The following DGKB variants were observed in gnomAD, a reference collection of about 807,000 sequenced individuals.
The protein encoded by DGKB is 90 kDa diacylglycerol kinase.
Under a neutral mutation model 114.3 loss-of-function variants are expected in DGKB, and 67 were observed. That is an observed-to-expected ratio of 0.59 (90% CI 0.48 to 0.72). DGKB has a LOEUF of 0.72. DGKB is among the 30% of genes least tolerant of loss of function. DGKB has a pLI of 0.00. For missense variants in DGKB, 907 were observed against 975.2 expected, an observed-to-expected ratio of 0.93 and a Z score of 0.93; for synonymous variants, 398 against 323.1, an observed-to-expected ratio of 1.23 and a Z score of -2.49.
chr7:14,737,555 T>A (rs2128403390), intron 4 of DGKB, among the ~76,000 whole-genome samples: 1 of 152,208 alleles, frequency 6.6e-6, no homozygotes, highest in East Asian at 1.9e-4. Flanking sequence ...TTTTATAGAT[T>A]TGATCATGTG....
In DGKB at chr7:14,249,520, A is replaced by T. The variant is rs193230797; in HGVS notation, c.2123-71369T>A. On this transcript the variant is annotated intron_variant, in intron 23 of 25. Transcript: ENST00000402815. ...GATTACTGATTCAATCTCCTTACTC[A>T]TTATTGGTCTGTTCGAATTTTCTAT... 8.5e-5 allele frequency among the ~76,000 whole-genome samples: 13 copies of T among 152,204 alleles called. No individual in the cohort carries two copies. In the East Asian group the frequency reaches 2.5e-3, roughly 29 times the overall value.
intron 1 of DGKB, among the ~76,000 whole-genome samples, chr7:14,944,577 A>T (rs1785758756): frequency 6.6e-6 from 1 of 151,738 alleles, no homozygotes; most frequent in Non-Finnish European, 1.5e-5. Context: ...TTACTTATTA[A>T]TTTTTCTGGA....
intron 23 of DGKB, among the ~76,000 whole-genome samples, chr7:14,195,889 T>A (rs564204528): frequency 8.1e-4 from 123 of 152,244 alleles, no homozygotes; most frequent in African/African-American, 2.9e-3. Context: ...TTGAAAGACT[T>A]TATAATATTT....
chr7:14,413,813 T>A (rs142544144), intron 21 of DGKB, among the ~76,000 whole-genome samples: 1 of 151,960 alleles, frequency 6.6e-6, no homozygotes. Flanking sequence ...AAATAGAAAA[T>A]ATGAAAAACA....
intron 14 of DGKB, among the ~76,000 whole-genome samples, chr7:14,622,131 C>T (rs1182349552): frequency 1.3e-5 from 2 of 152,120 alleles, no homozygotes; most frequent in African/African-American, 4.8e-5. Context: ...TCACCAATGA[C>T]CGTCTCAGTT....
chr7:14,660,426 A>T (rs1231559467), intron 13 of DGKB, among the ~76,000 whole-genome samples: 2 of 151,416 alleles, frequency 1.3e-5, no homozygotes, highest in African/African-American at 4.8e-5. Flanking sequence ...TTATTGGTCT[A>T]TTCTTCCTGG....
intron 21 of DGKB, among the ~76,000 whole-genome samples, chr7:14,448,086 G>A (rs908516348): frequency 2.0e-5 from 3 of 152,022 alleles, no homozygotes; most frequent in African/African-American, 7.2e-5. Flanking sequence ...GAGCAGTTTT[G>A]TGTGCAAGAC....
intron 15 of DGKB, among the ~76,000 whole-genome samples, chr7:14,614,419 A>C (rs1806158427): frequency 1.3e-5 from 2 of 152,098 alleles, no homozygotes; most frequent in African/African-American, 4.8e-5. Flanking sequence ...AAAAGTATTC[A>C]GCTAATTGTG....
chr7:14,441,989 G>T (rs944265513), intron 21 of DGKB, among the ~76,000 whole-genome samples: 5 of 151,880 alleles, frequency 3.3e-5, no homozygotes, highest in African/African-American at 1.2e-4. Context: ...TTACATCTAT[G>T]CTAGTACTTG....
intron 21 of DGKB, among the ~76,000 whole-genome samples, chr7:14,396,481 A>G (rs927716380): frequency 2.0e-5 from 3 of 152,218 alleles, no homozygotes; most frequent in African/African-American, 7.2e-5. Context: ...TAGACCTTAC[A>G]TACTGAGATT....
At chr7:14,887,840 C>T (rs1490469941) in intron 1 of DGKB, among the ~76,000 whole-genome samples, 1 of 151,674 alleles carries the variant, frequency 6.6e-6, no homozygotes, top group Non-Finnish European at 1.5e-5. Flanking sequence ...TTTCCGATGT[C>T]TAGAACAGCA....
chr7:14,263,286 C>T (rs565170926), intron 23 of DGKB, among the ~76,000 whole-genome samples: 1 of 152,170 alleles, frequency 6.6e-6, no homozygotes, highest in Admixed American at 6.5e-5. Context: ...CTTACAGTTT[C>T]CTTTCAGGCT....
chr7:14,708,657 G>A (rs1485288692), intron 6 of DGKB, among the ~76,000 whole-genome samples: 1 of 151,250 alleles, frequency 6.6e-6, no homozygotes, highest in Non-Finnish European at 1.5e-5. Context: ...CAGAAATAAC[G>A]CCGCATACCT....
chr7:14,792,150 C>G (rs2128508789), intron 2 of DGKB, among the ~76,000 whole-genome samples: 1 of 152,194 alleles, frequency 6.6e-6, no homozygotes, highest in African/African-American at 2.4e-5. Context: ...AATTCAAAAT[C>G]TACCTTTTGT....
chr7:14,664,418 G>GTCTT (rs1439327363), intron 13 of DGKB, among the ~76,000 whole-genome samples: 1 of 151,904 alleles, frequency 6.6e-6, no homozygotes, highest in Non-Finnish European at 1.5e-5. Context: ...TAGCAAAGCT[G>GTCTT]TCTTTCTACA....
chr7:14,562,251 C>T (rs1796769405), intron 20 of DGKB, among the ~76,000 whole-genome samples: 1 of 152,226 alleles, frequency 6.6e-6, no homozygotes, highest in Non-Finnish European at 1.5e-5. Context: ...TGTATGGAAA[C>T]ATCTGGATAT....
chr7:14,543,730 C>A (rs1419932609), intron 20 of DGKB, among the ~76,000 whole-genome samples: 1 of 152,076 alleles, frequency 6.6e-6, no homozygotes, highest in Non-Finnish European at 1.5e-5. Context: ...AAATAATAGC[C>A]AGAAATTTTG....
intron 7 of DGKB, among the ~76,000 whole-genome samples, chr7:14,701,342 T>G (rs556185445): frequency 1.3e-5 from 2 of 152,360 alleles, no homozygotes; most frequent in African/African-American, 4.8e-5. Context: ...ATGTTACAGA[T>G]AGTTTTTCCC....
chr7:14,778,344 A>C (rs909758365), intron 2 of DGKB, among the ~76,000 whole-genome samples: 9 of 151,718 alleles, frequency 5.9e-5, no homozygotes, highest in African/African-American at 2.2e-4. Flanking sequence ...AATACCCACG[A>C]CCTGTTTTCT....
Sources: gnomAD v4.1 joint callset for allele counts (sites outside exome capture counted in the v4.1 genomes callset) on GRCh38, gnomAD v4.1.1 for gene constraint, MANE v1.5 for transcripts, NCBI Gene and HGNC (gene_info 2026-07-23, HGNC 2026-07-21) for gene names.